PIP5K1B: variants seen among roughly 807,000 people sequenced by gnomAD.
PIP5K1B encodes the protein phosphatidylinositol-4-phosphate 5-kinase type 1 beta, also known as phosphatidylinositol 4-phosphate 5-kinase type-1 beta.
In PIP5K1B, 42 loss-of-function variants were observed where a neutral mutation model predicts 67.0. That is an observed-to-expected ratio of 0.63 (90% CI 0.49 to 0.81). The LOEUF (loss-of-function observed/expected upper bound fraction) is 0.81. PIP5K1B is among the 30% of genes least tolerant of loss of function. The pLI is 0.00. For missense variants in PIP5K1B, 459 were observed against 646.3 expected (o/e 0.71, Z 3.14); for synonymous variants, 214 against 231.4 (o/e 0.92, Z 0.68).
At chr9:68,945,130 T>G (rs1459870888) in intron 14 of PIP5K1B, among the ~76,000 whole-genome samples, 1 of 151,646 alleles carries the variant, frequency 6.6e-6, no homozygotes, top group Admixed American at 6.6e-5. Flanking sequence ...TGGGCTTATG[T>G]TTTGGTTTTT....
At chr9:68,822,708 A>T in intron 4 of PIP5K1B, 25 bp downstream of exon 4, 1 of 1,524,718 alleles carries the variant, frequency 6.6e-7, no homozygotes, top group Non-Finnish European at 9.1e-7. Flanking sequence ...TATTTTCTAA[A>T]GAGGAACACC....
chr9:68,938,521 C>T (rs532069507), intron 13 of PIP5K1B, among the ~76,000 whole-genome samples: 4 of 152,230 alleles, frequency 2.6e-5, no homozygotes, highest in African/African-American at 7.2e-5. Flanking sequence ...CTGAATACAG[C>T]ACATTGATGG....
intron 6 of PIP5K1B, among the ~76,000 whole-genome samples, chr9:68,887,087 G>A (rs1824515241): frequency 6.6e-6 from 1 of 152,194 alleles, no homozygotes; most frequent in Non-Finnish European, 1.5e-5. Flanking sequence ...TTGCAAGGAG[G>A]CCTTCAGTGA....
intron 2 of PIP5K1B, among the ~76,000 whole-genome samples, chr9:68,747,389 G>A (rs539886793): frequency 3.4e-4 from 52 of 151,708 alleles, no homozygotes; most frequent in Admixed American, 1.4e-3. Flanking sequence ...CTGCCACGTC[G>A]TTATAAAGTG....
Position 68,839,828 on chromosome 9 carries a change from G to A in PIP5K1B, c.69+17145G>A, listed in dbSNP as rs910867293. Among the ~76,000 whole-genome samples, 6 of 152,248 alleles carry A rather than the reference G, an allele frequency of 3.9e-5. No homozygotes were observed. The South Asian group carries it at 6.2e-4, about 16-fold the overall frequency. On this transcript the variant is annotated intron_variant, in intron 4 of 15. Coordinates refer to ENST00000265382, the MANE Select transcript of PIP5K1B (RefSeq NM_003558.4). ...ATTCCTGTTAGGTCCAGCCATGGTC[G>A]TCTCCATTCCAGAGAGGTCATGACA...
At chr9:68,729,509 C>CT (rs770881558) in intron 1 of PIP5K1B, among the ~76,000 whole-genome samples, 46 of 152,076 alleles carry the variant, frequency 3.0e-4, no homozygotes, top group Admixed American at 5.9e-4. Context: ...ACCAATATAA[C>CT]TAAGATTATC....
intron 2 of PIP5K1B, among the ~76,000 whole-genome samples, chr9:68,793,682 G>A (rs1367687845): frequency 6.6e-6 from 1 of 152,124 alleles, no homozygotes; most frequent in Non-Finnish European, 1.5e-5. Context: ...GTGGAGGTGA[G>A]TGGCATTAGC....
At chr9:68,713,588 G>A (rs1411286004) in intron 1 of PIP5K1B, among the ~76,000 whole-genome samples, 2 of 152,130 alleles carry the variant, frequency 1.3e-5, no homozygotes, top group African/African-American at 4.8e-5. Context: ...CTATCTGCCT[G>A]CTCCTTCAGA....
At chr9:68,961,238 G>T (rs1018339151) in intron 14 of PIP5K1B, among the ~76,000 whole-genome samples, 7 of 143,668 alleles carry the variant, frequency 4.9e-5, no homozygotes, top group Non-Finnish European at 9.2e-5. Context: ...AAAAAAGCGT[G>T]TCACCACAAA....
At chr9:68,854,211 A>G (rs1822652187) in intron 4 of PIP5K1B, among the ~76,000 whole-genome samples, 1 of 150,278 alleles carries the variant, frequency 6.7e-6, no homozygotes, top group Non-Finnish European at 1.5e-5. Flanking sequence ...GCTCGCTACA[A>G]CCTTTACCTC....
At chr9:68,758,353 TCAA>T (rs1830032208) in intron 2 of PIP5K1B, among the ~76,000 whole-genome samples, 1 of 152,218 alleles carries the variant, frequency 6.6e-6, no homozygotes, top group East Asian at 1.9e-4. Context: ...ACAAAAATGC[TCAA>T]CAAGTAAAAA....
At chr9:68,752,530 G>A (rs771179028) in intron 2 of PIP5K1B, among the ~76,000 whole-genome samples, 1 of 146,726 alleles carries the variant, frequency 6.8e-6, no homozygotes, top group Non-Finnish European at 1.5e-5. Context: ...TCCCTCCCTT[G>A]CTGTCTGCCT....
At position 68,820,937 on chromosome 9, in the gene PIP5K1B, G is replaced by A. The variant is rs111471935; in HGVS notation, c.1-1678G>A. Among the ~76,000 whole-genome samples the A allele has an allele frequency of 2.6e-5, 4 of 152,292 alleles. 1 individual carries two copies. Among genetic ancestry groups the A allele is most frequent in the African/African-American group, 9.6e-5 (4 of 41,554 alleles). ...ACAAAGATACGCAATAGTTTTGAGT[G>A]TGTAAAAATGTAAACTTCTCTATAT... On this transcript the variant is annotated intron_variant, in intron 3 of 15. Transcript: ENST00000265382.
At chr9:68,935,157 A>G in intron 13 of PIP5K1B, 112 bp downstream of exon 13, 2 of 912,168 alleles carry the variant, frequency 2.2e-6, no homozygotes, top group Non-Finnish European at 3.4e-6. Flanking sequence ...AAAATATATT[A>G]ATTAAGTTTT....
chr9:68,844,120 C>A (rs990211023), intron 4 of PIP5K1B, among the ~76,000 whole-genome samples: 11 of 152,200 alleles, frequency 7.2e-5, no homozygotes, highest in Admixed American at 2.0e-4. Flanking sequence ...AGGGCCTAAA[C>A]AAGAGAGAGG....
chr9:68,873,636 A>G (rs770122793), intron 5 of PIP5K1B, among the ~76,000 whole-genome samples: 2 of 151,656 alleles, frequency 1.3e-5, no homozygotes, highest in African/African-American at 2.4e-5. Context: ...TACTTTTTCA[A>G]TACATTCCTC....
chr9:68,761,537 G>T (rs1408025915), intron 2 of PIP5K1B, among the ~76,000 whole-genome samples: 1 of 152,076 alleles, frequency 6.6e-6, no homozygotes, highest in Non-Finnish European at 1.5e-5. Flanking sequence ...GGCCAAAATT[G>T]GTCTCACTGG....
chr9:68,747,480 A>G (rs12686355), intron 2 of PIP5K1B, among the ~76,000 whole-genome samples: 78,883 of 151,452 alleles, frequency 0.52, 21,544 homozygotes, highest in Middle Eastern at 0.64. Flanking sequence ...AATGGCTTGC[A>G]TTTGAAATAT....
chr9:69,000,232 G>T (rs1193755557), intron 15 of PIP5K1B, among the ~76,000 whole-genome samples: 2 of 152,034 alleles, frequency 1.3e-5, no homozygotes, highest in African/African-American at 2.4e-5. Flanking sequence ...ACAAATCTGG[G>T]GTGGAGAAAG....
Sources: gnomAD v4.1 joint callset for allele counts (sites outside exome capture counted in the v4.1 genomes callset) on GRCh38, gnomAD v4.1.1 for gene constraint, MANE v1.5 for transcripts, NCBI Gene and HGNC (gene_info 2026-07-23, HGNC 2026-07-21) for gene names.